RARB: variants seen among roughly 807,000 people sequenced by gnomAD.
The protein encoded by RARB is HBV-activated protein.
In RARB, 17 loss-of-function variants were observed where a neutral mutation model predicts 51.9. That is an observed-to-expected ratio of 0.33 (90% CI 0.22 to 0.49). The LOEUF (loss-of-function observed/expected upper bound fraction) is 0.49, where lower values mean the gene tolerates loss of function less well. RARB is among the 20% of genes least tolerant of loss of function. The probability of loss-of-function intolerance (pLI) is 0.99; values close to 1 mark genes in which losing one functional copy is unlikely to be tolerated. For synonymous variants in RARB, 215 were observed against 195.4 expected, an observed-to-expected ratio of 1.10 and a Z score of -0.84; for missense variants, 369 against 550.8, an observed-to-expected ratio of 0.67 and a Z score of 3.30.
Position 25,596,683 on chromosome 3 carries a change from A to C in RARB, c.*67A>C. The C allele has an allele frequency of 7.2e-7, 1 of 1,382,936 alleles. No homozygotes were observed. The highest frequency in any genetic ancestry group is 9.9e-7 in the Non-Finnish European group (1 of 1,012,954). 85.7% of individuals were successfully genotyped at this position (1,382,936 alleles called of 1,614,324 possible). On this transcript the variant is annotated 3_prime_UTR_variant, in exon 8 of 8. Transcript: ENST00000330688. Reference sequence around the variant, plus strand: ...TTCCAGGATTTAAAATGCAAGAAAAAACATTTTTACTGCTGCTTAGTTTTT... The same window carrying C: ...TTCCAGGATTTAAAATGCAAGAAAACACATTTTTACTGCTGCTTAGTTTTT...
chr3:25,045,524 C>G (rs1366271263), intron 2 of RARB, among the ~76,000 whole-genome samples: 1 of 152,154 alleles, frequency 6.6e-6, no homozygotes, highest in Non-Finnish European at 1.5e-5. Flanking sequence ...TTGTTTGGGG[C>G]CTCTGTTTGT....
intron 2 of RARB, among the ~76,000 whole-genome samples, chr3:24,864,004 G>T (rs886791208): frequency 2.0e-4 from 31 of 152,172 alleles, no homozygotes; most frequent in African/African-American, 7.5e-4. Flanking sequence ...ACCCTGACTT[G>T]TATATTTTCA....
intron 3 of RARB, among the ~76,000 whole-genome samples, chr3:25,539,200 G>A (rs186100299): frequency 1.3e-5 from 2 of 152,284 alleles, no homozygotes; most frequent in East Asian, 1.9e-4. Flanking sequence ...AAGGGAAACC[G>A]CACAGCTACC....
At chr3:25,307,976 TA>T (rs1363167032) in intron 5 of RARB, among the ~76,000 whole-genome samples, 2 of 152,232 alleles carry the variant, frequency 1.3e-5, no homozygotes, top group Non-Finnish European at 2.9e-5. Context: ...CAGCAAAGCC[TA>T]AAGTACTTAC....
chr3:25,284,684 G>C (rs184205392), intron 5 of RARB, among the ~76,000 whole-genome samples: 9 of 152,202 alleles, frequency 5.9e-5, no homozygotes, highest in African/African-American at 2.2e-4. Context: ...AGGATTAAAA[G>C]TCAGAACCTC....
intron 5 of RARB, among the ~76,000 whole-genome samples, chr3:25,288,731 T>C (rs141118960): frequency 6.6e-6 from 1 of 151,854 alleles, no homozygotes; most frequent in Admixed American, 6.6e-5. Context: ...TGTCACCTTC[T>C]AAGAGAAATT....
At chr3:25,489,118 A>G (rs1017011927) in intron 2 of RARB, among the ~76,000 whole-genome samples, 1 of 152,258 alleles carries the variant, frequency 6.6e-6, no homozygotes. Flanking sequence ...GTGTATTTTC[A>G]TATAGCATGG....
Position 25,265,079 on chromosome 3 carries a change from C to T in RARB, c.178+90504C>T, listed in dbSNP as rs374747288. ...ACACAAAATCTGCCAATGCCTTGAT[C>T]TTGGACTGCCCAGAAAACTGTGAGA... On this transcript the variant is annotated intron_variant, in intron 5 of 11. Coordinates refer to the RARB transcript ENST00000383772. 7.9e-4 allele frequency among the ~76,000 whole-genome samples: 120 copies of T among 152,262 alleles called. 1 individual carries two copies. In the East Asian group the frequency reaches 0.019, roughly 24 times the overall value.
intron 2 of RARB, among the ~76,000 whole-genome samples, chr3:24,914,827 G>A (rs757770319): frequency 2.6e-5 from 4 of 152,152 alleles, no homozygotes; most frequent in Non-Finnish European, 5.9e-5. Flanking sequence ...TACAATGCCC[G>A]AAATGATGTG....
chr3:25,412,890 A>G (rs1707600098), intron 5 of RARB, among the ~76,000 whole-genome samples: 1 of 152,122 alleles, frequency 6.6e-6, no homozygotes, highest in Non-Finnish European at 1.5e-5. Flanking sequence ...ATGGTGGCGC[A>G]TGCCTGTAAT....
intron 2 of RARB, among the ~76,000 whole-genome samples, chr3:24,946,826 C>T (rs537258555): frequency 6.6e-6 from 1 of 152,114 alleles, no homozygotes; most frequent in East Asian, 1.9e-4. Context: ...GACATTGCTC[C>T]TGCATTCCAG....
At chr3:24,956,496 G>A (rs1282422872) in intron 2 of RARB, among the ~76,000 whole-genome samples, 3 of 152,164 alleles carry the variant, frequency 2.0e-5, no homozygotes, top group East Asian at 1.9e-4. Flanking sequence ...TTGAAGGTGA[G>A]TGAAGTACAA....
At chr3:25,486,793 A>G (rs990046521) in intron 2 of RARB, among the ~76,000 whole-genome samples, 1 of 152,200 alleles carries the variant, frequency 6.6e-6, no homozygotes, top group African/African-American at 2.4e-5. Context: ...TTCACGGACA[A>G]TGGGAGAAGG....
intron 5 of RARB, among the ~76,000 whole-genome samples, chr3:25,265,019 C>G (rs912680109): frequency 8.5e-5 from 13 of 152,126 alleles, no homozygotes; most frequent in Admixed American, 8.5e-4. Context: ...CCTTACAAAA[C>G]GGGCTCTGTG....
At chr3:25,550,174 G>A (rs910164561) in intron 3 of RARB, among the ~76,000 whole-genome samples, 52 of 152,192 alleles carry the variant, frequency 3.4e-4, no homozygotes, top group African/African-American at 1.3e-3. Context: ...GGACCCCTTT[G>A]CAGTTAAGAT....
chr3:25,534,993 G>A lies in RARB; in HGVS notation c.448+33670G>A, dbSNP rs543160203. ...AAATGATCAAAATAGCCATGTGGCT[G>A]TAGGAGAAGCAAAATGGAGCAAACT... On this transcript the variant is annotated intron_variant, in intron 3 of 7. Transcript: ENST00000330688. Among the ~76,000 whole-genome samples, 17 of 152,328 alleles carry A rather than the reference G, an allele frequency of 1.1e-4. No individual in the cohort carries two copies. In the South Asian group the frequency reaches 3.3e-3, roughly 30 times the overall value.
chr3:25,356,607 T>C (rs1255086605), intron 5 of RARB, among the ~76,000 whole-genome samples: 6 of 152,246 alleles, frequency 3.9e-5, no homozygotes, highest in African/African-American at 1.4e-4. Context: ...GGTGGTTTGC[T>C]GCACCCATCA....
chr3:25,542,895 A>G (rs575424463), intron 3 of RARB, among the ~76,000 whole-genome samples: 1 of 152,230 alleles, frequency 6.6e-6, no homozygotes, highest in African/African-American at 2.4e-5. Flanking sequence ...ATAGGGAATC[A>G]GAATCAAGTG....
chr3:25,273,235 C>T (rs1703294802), intron 5 of RARB, among the ~76,000 whole-genome samples: 1 of 152,166 alleles, frequency 6.6e-6, no homozygotes, highest in South Asian at 2.1e-4. Context: ...ATTTCTGTGT[C>T]TAACAAAGGA....
Sources: gnomAD v4.1 joint callset for allele counts (sites outside exome capture counted in the v4.1 genomes callset) on GRCh38, gnomAD v4.1.1 for gene constraint, MANE v1.5 for transcripts, NCBI Gene and HGNC (gene_info 2026-07-23, HGNC 2026-07-21) for gene names.